The following FAM186A variants were observed in gnomAD, a reference collection of about 807,000 sequenced individuals.
FAM186A encodes family with sequence similarity 186 member A.
FAM186A carries 163 observed loss-of-function variants against 216.8 expected under a neutral mutation model. That is an observed-to-expected ratio of 0.75 (90% CI 0.66 to 0.86). FAM186A has a LOEUF of 0.86. Among genes scored for constraint, FAM186A ranks in the 40% least tolerant of loss-of-function variants. FAM186A has a pLI of 0.00. For missense variants in FAM186A, 2,184 were observed against 2,746.2 expected (o/e 0.80, Z 4.58); for synonymous variants, 805 against 1,025.3 (o/e 0.79, Z 4.10).
rs1180227468 is a variant in FAM186A, at chr12:50,353,664, G to A, written c.3168C>T (p.Tyr1056=). ...AAATAGGAAGAGCTCCAGGCAGGGA[G>A]TATTGTAGGGAGGGGGGAGGTGTGA... ...ISITPPPSLQ[Y]SLPGALPISG... is the part of the protein sequence containing the mutation. Residue 1056 remains tyrosine (Y), a synonymous_variant, in exon 4 of 8, where the codon TAC becomes TAT. Coordinates refer to ENST00000327337, the MANE Select transcript of FAM186A (RefSeq NM_001145475.3). The A allele has an allele frequency of 7.8e-6, 12 of 1,537,820 alleles. No individual in the cohort carries two copies. In the East Asian group the frequency reaches 2.7e-4, roughly 34 times the overall value.
intron 4 of FAM186A, among the ~76,000 whole-genome samples, chr12:50,348,906 A>T (rs1309054772): frequency 1.3e-5 from 2 of 152,050 alleles, no homozygotes; most frequent in African/African-American, 4.8e-5. Flanking sequence ...GTGGGTACAT[A>T]GTAGGTATAT....
At chr12:50,348,090 G>C (rs1225650011) in intron 4 of FAM186A, among the ~76,000 whole-genome samples, 1 of 134,170 alleles carries the variant, frequency 7.5e-6, no homozygotes, top group Non-Finnish European at 1.5e-5. Flanking sequence ...CGTTGCCCAG[G>C]CTGGAGTGCA....
At position 50,352,589 on chromosome 12, in the gene FAM186A, G is replaced by A. The variant is rs76768594; in HGVS notation, c.4243C>T (p.Gln1415Ter). ...AAAGGGATCCCCAATTCCTGAGCCT[G>A]CTGAGGGGTGAGAGGGATCCCCAGT... ...QELGIPLTPQQAQELGIPFTP... is the reference protein window; with the variant it reads ...QELGIPLTPQ The change falls in exon 4 of 8, where the codon CAG becomes TAG. Residue 1415 changes from glutamine to a stop codon, truncating the protein, a stop_gained. Coordinates refer to ENST00000327337, the MANE Select transcript of FAM186A (RefSeq NM_001145475.3). LOFTEE classifies it high-confidence loss of function. 2.3e-4 allele frequency: 346 copies of A among 1,527,676 alleles called. 3 individuals are homozygous for A. In the East Asian group the frequency reaches 8.7e-3, roughly 38 times the overall value. 94.6% of individuals were successfully genotyped at this position (1,527,676 alleles called of 1,614,324 possible). A position where few individuals can be genotyped will look rare whatever the true frequency, so the allele number is the denominator to read the frequency against.
At chr12:50,333,541 C>A (rs1942677581) in intron 5 of FAM186A, among the ~76,000 whole-genome samples, 1 of 151,036 alleles carries the variant, frequency 6.6e-6, no homozygotes, top group Non-Finnish European at 1.5e-5. Context: ...AAACGAAAAA[C>A]AAAGCAAAAC....
At chr12:50,371,209 C>T (rs1257751084) in intron 1 of FAM186A, among the ~76,000 whole-genome samples, 3 of 151,900 alleles carry the variant, frequency 2.0e-5, no homozygotes, top group Non-Finnish European at 4.4e-5. Context: ...AACTCCACCT[C>T]AGGGTTCAAG....
chr12:50,349,275 G>A (rs568664300), intron 4 of FAM186A, among the ~76,000 whole-genome samples: 1 of 150,872 alleles, frequency 6.6e-6, no homozygotes, highest in African/African-American at 2.4e-5. Context: ...GCAGTGGCGC[G>A]ATCTTGGTTT....
Position 50,353,886 on chromosome 12 carries a change from G to T in FAM186A, c.2946C>A (p.Ile982=). The change falls in exon 4 of 8, where the codon ATC becomes ATA. Residue 982 remains isoleucine (I), a synonymous_variant. Coordinates refer to ENST00000327337, the MANE Select transcript of FAM186A (RefSeq NM_001145475.3). The part of the protein sequence containing the change: ...ERGLEDLERQ[I]KTKDQMQMKE... Reference sequence around the variant, plus strand: ...TCATCTGCATCTGATCCTTTGTTTTGATCTGCCTTTCGAGGTCCTCTAGCC... The same window carrying T: ...TCATCTGCATCTGATCCTTTGTTTTTATCTGCCTTTCGAGGTCCTCTAGCC... 1 of 1,551,804 alleles carries T rather than the reference G, an allele frequency of 6.4e-7. No individual in the cohort carries two copies. Among genetic ancestry groups the T allele is most frequent in the Middle Eastern group, 1.7e-4 (1 of 5,996 alleles).
At chr12:50,349,413 C>T (rs1490520994) in intron 4 of FAM186A, among the ~76,000 whole-genome samples, 1 of 151,898 alleles carries the variant, frequency 6.6e-6, no homozygotes, top group African/African-American at 2.4e-5. Context: ...TGTCTCAAAC[C>T]CCTGGGCTCA....
At position 50,350,706 on chromosome 12, in the gene FAM186A, C is replaced by A; in HGVS notation, c.6126G>T (p.Lys2042Asn). ...TDERALLTLM[K>N]PTTSPSSLTT... ...TGAGAGAAGATGGTGATGTTGTTGGCTTCATGAGAGTGAGAAGGGCCCTTT... is the reference window on the plus strand; with the variant it reads ...TGAGAGAAGATGGTGATGTTGTTGGATTCATGAGAGTGAGAAGGGCCCTTT... The change falls in exon 4 of 8, where the codon AAG becomes AAT. Residue 2042 changes from lysine to asparagine, a missense_variant. This residue lies in a region of FAM186A where 721 missense variants were observed against 816.4 expected (regional missense o/e 0.88). Transcript: ENST00000327337. The A allele has an allele frequency of 6.4e-7, 1 of 1,551,580 alleles. No homozygotes were observed. The highest frequency in any genetic ancestry group is 8.7e-7 in the Non-Finnish European group (1 of 1,146,984).
chr12:50,361,674 G>T (rs1449842589), intron 2 of FAM186A, among the ~76,000 whole-genome samples: 1 of 147,514 alleles, frequency 6.8e-6, no homozygotes, highest in African/African-American at 2.5e-5. Flanking sequence ...AGGTTCAAGC[G>T]ATTCTCCTGC....
Position 50,351,384 on chromosome 12 carries a change from T to C in FAM186A, c.5448A>G (p.Pro1816=). The change falls in exon 4 of 8, where the codon CCA becomes CCG. Residue 1816 remains proline, a synonymous_variant. Transcript: ENST00000327337. ...GQSTSAQFPA[P]QAPPSPGQLP... is the part of the protein sequence containing the mutation. ...GCTGCCCAGGGGAGGGAGGGGCCTG[T>C]GGTGCCGGGAACTGCGCAGAAGTGG... The C allele has an allele frequency of 6.8e-7, 1 of 1,472,584 alleles. No individual in the cohort carries two copies. The highest frequency in any genetic ancestry group is 9.0e-7 in the Non-Finnish European group (1 of 1,113,494). 91.2% of individuals were successfully genotyped at this position (1,472,584 alleles called of 1,614,324 possible). A position where few individuals can be genotyped will look rare whatever the true frequency, so the allele number is the denominator to read the frequency against.
At chr12:50,363,768 AAAAAGAAAG>A in intron 1 of FAM186A, among the ~76,000 whole-genome samples, 1 of 51,810 alleles carries the variant, frequency 1.9e-5, no homozygotes, top group South Asian at 8.2e-4. Flanking sequence ...GCTAAAAAAA[AAAAAGAAAG>A]AAAGAAAGAA....
At chr12:50,337,788 C>T (rs1370523900) in intron 4 of FAM186A, among the ~76,000 whole-genome samples, 10 of 151,962 alleles carry the variant, frequency 6.6e-5, no homozygotes, top group South Asian at 6.3e-4. Context: ...CCCAGCTACT[C>T]GGGAGGCTGA....
intron 6 of FAM186A, 41 bp from the exon 7 acceptor site, chr12:50,330,799 A>C (rs1377728107): frequency 6.8e-7 from 1 of 1,467,986 alleles, no homozygotes. Context: ...AATTCTCCTG[A>C]GCTCCATAGC....
At chr12:50,348,147 C>T (rs934978874) in intron 4 of FAM186A, among the ~76,000 whole-genome samples, 4 of 144,298 alleles carry the variant, frequency 2.8e-5, no homozygotes, top group Admixed American at 7.6e-5. Context: ...CGGGTTCAAA[C>T]GATTCTCCTG....
chr12:50,376,247 G>T (rs904242308), intron 1 of FAM186A, among the ~76,000 whole-genome samples: 1 of 152,184 alleles, frequency 6.6e-6, no homozygotes, highest in African/African-American at 2.4e-5. Context: ...ATGTGTTACA[G>T]CTCTTTTAGC....
At chr12:50,331,311 C>T (rs999717133) in intron 6 of FAM186A, among the ~76,000 whole-genome samples, 1 of 152,174 alleles carries the variant, frequency 6.6e-6, no homozygotes, top group Non-Finnish European at 1.5e-5. Context: ...ACGATCTCGG[C>T]TCACCGCAAC....
Position 50,355,416 on chromosome 12 carries a change from A to G in FAM186A, c.1416T>C (p.Ser472=). The G allele has an allele frequency of 6.4e-7, 1 of 1,551,408 alleles. No homozygotes were observed. Among genetic ancestry groups the G allele is most frequent in the Non-Finnish European group, 8.7e-7 (1 of 1,146,996 alleles). ...TTTTATTATCACTCAGATTTGGTCCAGAGGTCTCATATACATATGTGGCTT... is the reference window on the plus strand; with the variant it reads ...TTTTATTATCACTCAGATTTGGTCCGGAGGTCTCATATACATATGTGGCTT... ...HKKATYVYET[S]GPNLSDNKSG... is the part of the protein sequence containing the mutation. Residue 472 remains serine, a synonymous_variant, in exon 4 of 8, where the codon TCT becomes TCC. Transcript: ENST00000327337.
Position 50,355,520 on chromosome 12 carries a change from T to C in FAM186A, c.1312A>G (p.Asn438Asp). 1 of 1,551,466 alleles carries C rather than the reference T, an allele frequency of 6.4e-7. No individual in the cohort carries two copies. The highest frequency in any genetic ancestry group is 8.7e-7 in the Non-Finnish European group (1 of 1,146,958). The part of the protein sequence containing the change: ...EDISEDSTKD[N>D]VSLKKGDFYQ... ...AAATCACCTTTCTTCAATGATACGT[T>C]ATCTTTAGTGCTGTCTTCGGAAATA... is the stretch of plus-strand genomic sequence containing the variant. The change falls in exon 4 of 8, where the codon AAC becomes GAC. Residue 438 changes from asparagine (N) to aspartate (D), a missense_variant. Transcript: ENST00000327337.
Sources: allele counts gnomAD v4.1 joint callset (sites outside exome capture counted in the v4.1 genomes callset), GRCh38; gene constraint gnomAD v4.1.1; regional missense constraint gnomAD v4.1.1; transcripts MANE v1.5; gene names NCBI Gene and HGNC (gene_info 2026-07-23, HGNC 2026-07-21).